The following GRIN2B variants were observed in gnomAD, a reference collection of about 807,000 sequenced individuals.
GRIN2B encodes glutamate ionotropic receptor NMDA type subunit 2B.
GRIN2B carries 5 observed loss-of-function variants against 114.5 expected under a neutral mutation model. The observed-to-expected ratio is 0.04, with a 90% CI of 0.02 to 0.09. The LOEUF (loss-of-function observed/expected upper bound fraction) is 0.09. Among genes scored for constraint, GRIN2B ranks in the 10% least tolerant of loss-of-function variants. GRIN2B has a pLI of 1.00. For synonymous variants in GRIN2B, 787 were observed against 745.1 expected, an observed-to-expected ratio of 1.06 and a Z score of -0.92; for missense variants, 1,108 against 1,943.5, an observed-to-expected ratio of 0.57 and a Z score of 8.08.
chr12:13,659,373 T>C (rs1489262837), intron 5 of GRIN2B, among the ~76,000 whole-genome samples: 1 of 152,116 alleles, frequency 6.6e-6, no homozygotes, highest in African/African-American at 2.4e-5. Flanking sequence ...TCCATGATTG[T>C]CCACATTCAT....
intron 2 of GRIN2B, among the ~76,000 whole-genome samples, chr12:13,907,984 AT>A (rs557505500): frequency 5.3e-5 from 8 of 152,212 alleles, no homozygotes; most frequent in Non-Finnish European, 1.0e-4. Flanking sequence ...CTAAAACTGC[AT>A]TTTTTTATTT....
At chr12:13,837,902 T>C (rs1296445788) in intron 3 of GRIN2B, among the ~76,000 whole-genome samples, 1 of 152,206 alleles carries the variant, frequency 6.6e-6, no homozygotes, top group Non-Finnish European at 1.5e-5. Flanking sequence ...CCTACCTCCC[T>C]GCCTCCCTAG....
At chr12:13,628,427 C>G (rs538560406) in intron 5 of GRIN2B, among the ~76,000 whole-genome samples, 1 of 152,318 alleles carries the variant, frequency 6.6e-6, no homozygotes, top group Admixed American at 6.5e-5. Flanking sequence ...TGATCCTTCT[C>G]TGAATTTCAA....
chr12:13,705,540 T>C (rs565511896), intron 4 of GRIN2B, among the ~76,000 whole-genome samples: 57 of 152,224 alleles, frequency 3.7e-4, no homozygotes, highest in African/African-American at 1.3e-3. Context: ...ATTATGTCTG[T>C]TAACACATTA....
intron 5 of GRIN2B, among the ~76,000 whole-genome samples, chr12:13,639,940 T>A (rs1949699270): frequency 6.6e-6 from 1 of 152,146 alleles, no homozygotes; most frequent in Admixed American, 6.6e-5. Context: ...TTTACACTTT[T>A]AGAGGCAAAT....
At position 13,632,078 on chromosome 12, in the gene GRIN2B, C is replaced by A. The variant is rs534756806; in HGVS notation, c.1126-15421G>T. On this transcript the variant is annotated intron_variant, in intron 5 of 13. Coordinates refer to ENST00000609686, the MANE Select transcript of GRIN2B (RefSeq NM_000834.5). ...AAGAAAACAAAACCCCAAACAATAA[C>A]CTTATTAAAACTGACAACTCAACTG... Among the ~76,000 whole-genome samples, 23 of 152,306 alleles carry A rather than the reference C, an allele frequency of 1.5e-4. No individual in the cohort carries two copies. The South Asian group carries it at 3.9e-3, about 26-fold the overall frequency.
intron 3 of GRIN2B, among the ~76,000 whole-genome samples, chr12:13,861,654 T>G (rs1401319279): frequency 6.6e-6 from 1 of 152,180 alleles, no homozygotes; most frequent in Non-Finnish European, 1.5e-5. Context: ...TGCAGCAGGC[T>G]TCCATACTAC....
chr12:13,619,173 A>C (rs1402353282), intron 5 of GRIN2B, among the ~76,000 whole-genome samples: 18 of 152,224 alleles, frequency 1.2e-4, no homozygotes, highest in African/African-American at 4.1e-4. Context: ...TGCAGAATCA[A>C]GTTTGGAGGA....
chr12:13,756,758 C>A (rs1027200895), intron 3 of GRIN2B, among the ~76,000 whole-genome samples: 3 of 152,192 alleles, frequency 2.0e-5, no homozygotes, highest in Admixed American at 6.5e-5. Context: ...TATGAAACCA[C>A]AGCTGGCTGA....
At chr12:13,792,460 C>A (rs940494299) in intron 3 of GRIN2B, among the ~76,000 whole-genome samples, 2 of 152,212 alleles carry the variant, frequency 1.3e-5, no homozygotes, top group Non-Finnish European at 2.9e-5. Context: ...TAAGTAAAAA[C>A]CAAAGGAGCT....
intron 3 of GRIN2B, among the ~76,000 whole-genome samples, chr12:13,761,871 T>C (rs1452236598): frequency 6.6e-6 from 1 of 151,702 alleles, no homozygotes; most frequent in Non-Finnish European, 1.5e-5. Context: ...TAAGTGTTAA[T>C]TAAGTAGTAG....
rs1392926198 is a variant in GRIN2B at position 13,551,709 on chromosome 12, C to G, written c.*11074G>C. 6.6e-6 allele frequency: 1 copy of G among 152,126 alleles called. No individual in the cohort carries two copies. Among genetic ancestry groups the G allele is most frequent in the Non-Finnish European group, 1.5e-5 (1 of 68,008 alleles). The allele number at this position is 152,126 out of a possible 1,614,324, so 9.4% of individuals were successfully genotyped here. A position where few individuals can be genotyped will look rare whatever the true frequency, so the allele number is the denominator to read the frequency against. ...ATCAGAATGCTCATGGCAAAGAGAT[C>G]AAATTCTGTGTAGTTGTGCTGTTCA... On this transcript the variant is annotated 3_prime_UTR_variant, in exon 14 of 14. Coordinates refer to ENST00000609686, the MANE Select transcript of GRIN2B (RefSeq NM_000834.5).
intron 3 of GRIN2B, among the ~76,000 whole-genome samples, chr12:13,778,486 G>A (rs939589579): frequency 1.2e-4 from 18 of 152,140 alleles, no homozygotes; most frequent in African/African-American, 4.3e-4. Flanking sequence ...AGGGTCTTGT[G>A]GCTCCTATTC....
intron 10 of GRIN2B, among the ~76,000 whole-genome samples, chr12:13,586,191 T>C (rs1273312972): frequency 6.6e-6 from 1 of 152,196 alleles, no homozygotes; most frequent in Non-Finnish European, 1.5e-5. Flanking sequence ...CTATGTGTCA[T>C]GATACAGGGA....
chr12:13,954,819 A>AAAAAAAAAAAAAAAAAAAAAAAAAAAAC (rs1867558002), intron 2 of GRIN2B, among the ~76,000 whole-genome samples: 1 of 147,040 alleles, frequency 6.8e-6, no homozygotes, highest in Non-Finnish European at 1.5e-5. Context: ...AGGAAAAAAA[A>AAAAAAAAAAAAAAAAAAAAAAAAAAAAC]AAAAAAAAAA....
intron 5 of GRIN2B, among the ~76,000 whole-genome samples, chr12:13,656,984 C>G (rs1239373328): frequency 6.6e-6 from 1 of 152,136 alleles, no homozygotes; most frequent in Non-Finnish European, 1.5e-5. Context: ...TCATTTCTTT[C>G]TGGGATACTA....
intron 3 of GRIN2B, among the ~76,000 whole-genome samples, chr12:13,819,975 A>C (rs1864902452): frequency 6.6e-6 from 1 of 152,080 alleles, no homozygotes; most frequent in Non-Finnish European, 1.5e-5. Flanking sequence ...GGATTCTCCC[A>C]CTTGGTTCCT....
intron 2 of GRIN2B, among the ~76,000 whole-genome samples, chr12:13,923,236 T>C (rs1866852912): frequency 6.6e-6 from 1 of 152,222 alleles, no homozygotes; most frequent in African/African-American, 2.4e-5. Flanking sequence ...CAGACATTAG[T>C]GTAAGAAACA....
At chr12:13,956,999 A>G (rs1867603700) in intron 2 of GRIN2B, among the ~76,000 whole-genome samples, 1 of 152,212 alleles carries the variant, frequency 6.6e-6, no homozygotes. Context: ...CCACAGGTTA[A>G]AGAGAGTTCA....
Sources: allele counts gnomAD v4.1 joint callset (sites outside exome capture counted in the v4.1 genomes callset), GRCh38; gene constraint gnomAD v4.1.1; transcripts MANE v1.5; gene names NCBI Gene and HGNC (gene_info 2026-07-23, HGNC 2026-07-21).